DLG2: variants seen among roughly 807,000 people sequenced by gnomAD.
DLG2 encodes discs large MAGUK scaffold protein 2, also known as disks large homolog 2.
In DLG2, 45 loss-of-function variants were observed where a neutral mutation model predicts 132.5. The observed-to-expected ratio is 0.34, with a 90% confidence interval of 0.27 to 0.44. The LOEUF is 0.44. Among genes scored for constraint, DLG2 ranks in the 20% least tolerant of loss-of-function variants. DLG2 has a pLI of 1.00. For synonymous variants in DLG2, 424 were observed against 419.6 expected (o/e 1.01, Z -0.13); for missense variants, 1,045 against 1,196.9 (o/e 0.87, Z 1.87).
At chr11:84,817,965 C>T (rs1391047479) in intron 6 of DLG2, among the ~76,000 whole-genome samples, 5 of 151,966 alleles carry the variant, frequency 3.3e-5, no homozygotes, top group African/African-American at 9.7e-5. Flanking sequence ...ATTAATATTA[C>T]TAATAACAGA....
chr11:83,645,954 G>A (rs1591617568), intron 18 of DLG2: 2 of 152,168 alleles, frequency 1.3e-5, no homozygotes, highest in East Asian at 3.9e-4. Context: ...CCAAGAGCCA[G>A]GAATCATCGC....
At chr11:84,028,621 A>G (rs543806307) in intron 11 of DLG2, among the ~76,000 whole-genome samples, 1 of 152,234 alleles carries the variant, frequency 6.6e-6, no homozygotes, top group South Asian at 2.1e-4. Flanking sequence ...TTGAAGCCAT[A>G]TAATTTAAAT....
intron 6 of DLG2, among the ~76,000 whole-genome samples, chr11:84,580,170 C>T (rs1343789456): frequency 1.3e-5 from 2 of 152,074 alleles, no homozygotes; most frequent in African/African-American, 4.8e-5. Flanking sequence ...TGTGTATTAC[C>T]TAATGGAATA....
intron 19 of DLG2, among the ~76,000 whole-genome samples, chr11:83,621,457 T>G (rs568765130): frequency 2.1e-4 from 32 of 152,202 alleles, no homozygotes; most frequent in Non-Finnish European, 3.4e-4. Flanking sequence ...AGGCAGAAAC[T>G]TTTGCAGAAC....
At chr11:84,797,268 T>C (rs998729170) in intron 6 of DLG2, among the ~76,000 whole-genome samples, 38 of 152,188 alleles carry the variant, frequency 2.5e-4, no homozygotes, top group Non-Finnish European at 2.4e-4. Context: ...GTTTATATCT[T>C]TCTCTAGATT....
At chr11:84,711,005 T>G (rs201264814) in intron 6 of DLG2, among the ~76,000 whole-genome samples, 4 of 64,376 alleles carry the variant, frequency 6.2e-5, no homozygotes, top group Non-Finnish European at 1.2e-4. Context: ...TTCATATATA[T>G]ATAGATATAT....
intron 3 of DLG2, among the ~76,000 whole-genome samples, chr11:85,510,875 T>C (rs964679236): frequency 1.3e-5 from 2 of 152,174 alleles, no homozygotes; most frequent in Non-Finnish European, 2.9e-5. Context: ...TTACTGGGTA[T>C]ACACCCAAAG....
At chr11:85,318,785 C>G (rs1203223713) in intron 3 of DLG2, among the ~76,000 whole-genome samples, 1 of 151,988 alleles carries the variant, frequency 6.6e-6, no homozygotes, top group Non-Finnish European at 1.5e-5. Flanking sequence ...CTTTCCACCT[C>G]TTATCACTTC....
chr11:85,010,993 A>G (rs1366135718), intron 6 of DLG2, among the ~76,000 whole-genome samples: 2 of 152,170 alleles, frequency 1.3e-5, no homozygotes, highest in African/African-American at 4.8e-5. Flanking sequence ...GGCATTTCAG[A>G]CAAGAAAGAG....
chr11:85,319,754 T>C (rs1351391928), intron 3 of DLG2, among the ~76,000 whole-genome samples: 2 of 151,812 alleles, frequency 1.3e-5, no homozygotes, highest in East Asian at 1.9e-4. Context: ...TTCAACACAG[T>C]ATAACTTTAT....
intron 12 of DLG2, among the ~76,000 whole-genome samples, chr11:83,977,588 G>C (rs2092386524): frequency 6.6e-6 from 1 of 152,000 alleles, no homozygotes; most frequent in African/African-American, 2.4e-5. Flanking sequence ...TAATCAACAG[G>C]AATGAGAAAA....
chr11:85,198,954 G>C (rs188711994), intron 4 of DLG2, among the ~76,000 whole-genome samples: 13 of 152,222 alleles, frequency 8.5e-5, no homozygotes, highest in Admixed American at 6.5e-4. Flanking sequence ...TTATCTTCAA[G>C]TTTCAGGTCT....
intron 12 of DLG2, among the ~76,000 whole-genome samples, chr11:83,974,817 G>C (rs34279739): frequency 0.043 from 6,465 of 152,098 alleles, 195 homozygotes; most frequent in Non-Finnish European, 0.067. Context: ...CTGAAATCCA[G>C]CTTTCTCATC....
chr11:84,520,193 T>C (rs2099291499), intron 7 of DLG2, among the ~76,000 whole-genome samples: 1 of 152,196 alleles, frequency 6.6e-6, no homozygotes, highest in Admixed American at 6.5e-5. Flanking sequence ...TTTTCTTTCA[T>C]TGTTTACTCT....
rs35530888 is a variant in DLG2 at position 84,106,979 on chromosome 11, GGT to G, written c.625-7934_625-7933del. On this transcript the variant is annotated intron_variant, in intron 9 of 27. Transcript: ENST00000376104. ...AAGAGAGAGAGAGTTTTAGCCTTAG[GGT>G]GTGTGTGTGTGTGTGTGTGTGTGTG... is the stretch of plus-strand genomic sequence containing the variant. 1.8e-3 allele frequency among the ~76,000 whole-genome samples: 191 copies of G among 105,330 alleles called. 1 individual carries two copies. The highest frequency in any genetic ancestry group is 4.1e-3 in the Admixed American group (46 of 11,086). The allele number at this position is 105,330 out of a possible 152,430, so 69.1% of individuals were successfully genotyped here.
chr11:83,816,377 T>C lies in DLG2; in HGVS notation c.1722+17237A>G, dbSNP rs529330525. 5.9e-5 allele frequency among the ~76,000 whole-genome samples: 9 copies of C among 152,330 alleles called. No homozygotes were observed. The South Asian group carries it at 1.9e-3, about 32-fold the overall frequency. On this transcript the variant is annotated intron_variant, in intron 17 of 27. Transcript: ENST00000376104. ...CTGTATTTTCCCAGACTGTCTGTCT[T>C]AGCAGAGAATTTTGTATGCCTGGTA...
At chr11:85,071,494 G>A (rs111399117) in intron 6 of DLG2, among the ~76,000 whole-genome samples, 1 of 151,768 alleles carries the variant, frequency 6.6e-6, no homozygotes, top group Non-Finnish European at 1.5e-5. Context: ...ATTTGAAAGC[G>A]ACAATATGAT....
chr11:84,043,873 T>A (rs1351736634), intron 11 of DLG2, among the ~76,000 whole-genome samples: 2 of 151,704 alleles, frequency 1.3e-5, no homozygotes, highest in Non-Finnish European at 2.9e-5. Flanking sequence ...TTTCACCCCA[T>A]TTTCTACCTT....
chr11:84,571,070 T>C (rs946874386), intron 6 of DLG2, among the ~76,000 whole-genome samples: 4 of 152,162 alleles, frequency 2.6e-5, no homozygotes, highest in African/African-American at 4.8e-5. Flanking sequence ...AGCTCTGTGT[T>C]CCTACTGACC....
Sources: gnomAD v4.1 joint callset for allele counts (sites outside exome capture counted in the v4.1 genomes callset) on GRCh38, gnomAD v4.1.1 for gene constraint, MANE v1.5 for transcripts, NCBI Gene and HGNC (gene_info 2026-07-23, HGNC 2026-07-21) for gene names.